The following DCC variants were observed in gnomAD, a reference collection of about 807,000 sequenced individuals.
DCC encodes the protein netrin receptor DCC.
A neutral mutation model predicts 172.5 loss-of-function variants in DCC; 58 were observed. The observed-to-expected ratio is 0.34, with a 90% CI of 0.27 to 0.42. The LOEUF is 0.42. DCC is among the 10% of genes least tolerant of loss of function. The pLI is 1.00. For synonymous variants in DCC, 709 were observed against 644.5 expected, an observed-to-expected ratio of 1.10 and a Z score of -1.52; for missense variants, 1,740 against 1,791.0, an observed-to-expected ratio of 0.97 and a Z score of 0.51.
chr18:52,822,826 G>A (rs1031720245), intron 2 of DCC, among the ~76,000 whole-genome samples: 2 of 152,116 alleles, frequency 1.3e-5, no homozygotes, highest in Admixed American at 6.5e-5. Flanking sequence ...TCCACAAGAA[G>A]GTTAATTATG....
chr18:53,324,209 T>C (rs996744122), intron 14 of DCC, among the ~76,000 whole-genome samples: 1 of 152,200 alleles, frequency 6.6e-6, no homozygotes, highest in Non-Finnish European at 1.5e-5. Context: ...AGAGATATTA[T>C]TTAACTTGTC....
intron 1 of DCC, among the ~76,000 whole-genome samples, chr18:52,720,154 C>T (rs543644036): frequency 6.6e-5 from 10 of 152,240 alleles, no homozygotes; most frequent in African/African-American, 2.4e-4. Context: ...CTACTGCAGC[C>T]AGTCAGCTGA....
rs188141097 is a variant in DCC at position 53,340,765 on chromosome 18, C to T, written c.2359+858C>T. Among the ~76,000 whole-genome samples the T allele has an allele frequency of 7.4e-4, 112 of 152,150 alleles. 2 individuals are homozygous for T. The highest frequency in any genetic ancestry group is 9.7e-4 in the Non-Finnish European group (66 of 68,008). The stretch of plus-strand genomic sequence containing the variant: ...TCATAAAGCAAAATGTAAGTTGATT[C>T]TACCTGTTGATTTAATACCGTATTA... On this transcript the variant is annotated intron_variant, in intron 15 of 28. Transcript: ENST00000442544.
chr18:52,526,725 T>C (rs545952521), intron 1 of DCC, among the ~76,000 whole-genome samples: 1 of 152,142 alleles, frequency 6.6e-6, no homozygotes, highest in East Asian at 1.9e-4. Flanking sequence ...GCTGAATAAC[T>C]ACAGAAGGAC....
At chr18:52,973,137 G>A (rs1205849642) in intron 5 of DCC, among the ~76,000 whole-genome samples, 2 of 152,144 alleles carry the variant, frequency 1.3e-5, no homozygotes, top group East Asian at 1.9e-4. Context: ...TTGAATAGAT[G>A]CATTAGGTAT....
At chr18:52,564,280 G>A in intron 1 of DCC, among the ~76,000 whole-genome samples, 1 of 152,060 alleles carries the variant, frequency 6.6e-6, no homozygotes, top group East Asian at 1.9e-4. Flanking sequence ...TTGCTTTATA[G>A]TCATTGTTCT....
chr18:53,288,203 A>T (rs1292833096), intron 12 of DCC, among the ~76,000 whole-genome samples: 1 of 152,278 alleles, frequency 6.6e-6, no homozygotes, highest in African/African-American at 2.4e-5. Flanking sequence ...ACTATTGACT[A>T]GTCTGACATA....
At chr18:52,567,228 C>T (rs1333104123) in intron 1 of DCC, among the ~76,000 whole-genome samples, 1 of 151,924 alleles carries the variant, frequency 6.6e-6, no homozygotes, top group African/African-American at 2.4e-5. Context: ...ATTTTAGAAA[C>T]CAATTTGATA....
Position 53,534,508 on chromosome 18 carries a change from A to G in DCC, c.*3855A>G, listed in dbSNP as rs1046294827. On this transcript the variant is annotated 3_prime_UTR_variant, in exon 29 of 29. Transcript: ENST00000442544. The stretch of plus-strand genomic sequence containing the variant: ...ACTCAAGTCTCTGTTTTTGTAAATC[A>G]CATTCAAAGCAACATTTTACTCATA... The G allele has an allele frequency of 2.6e-5, 4 of 152,206 alleles. No individual in the cohort carries two copies. The highest frequency in any genetic ancestry group is 5.9e-5 in the Non-Finnish European group (4 of 68,036). 9.4% of individuals were successfully genotyped at this position (152,206 alleles called of 1,614,324 possible).
intron 12 of DCC, among the ~76,000 whole-genome samples, chr18:53,299,945 G>C (rs905255022): frequency 6.6e-6 from 1 of 152,146 alleles, no homozygotes; most frequent in African/African-American, 2.4e-5. Context: ...ATAATGCAGA[G>C]TGCTTAGACC....
At chr18:53,460,735 AAAC>A (rs911860911) in intron 24 of DCC, among the ~76,000 whole-genome samples, 1 of 152,150 alleles carries the variant, frequency 6.6e-6, no homozygotes, top group African/African-American at 2.4e-5. Context: ...ATGCCTCAAT[AAAC>A]ATACGTGTGC....
At chr18:53,194,555 C>T (rs2055415915) in intron 9 of DCC, among the ~76,000 whole-genome samples, 2 of 151,762 alleles carry the variant, frequency 1.3e-5, no homozygotes, top group South Asian at 2.1e-4. Context: ...CTGCAACCTT[C>T]GCCTCCTGGG....
At chr18:53,133,973 G>A (rs1189017444) in intron 7 of DCC, among the ~76,000 whole-genome samples, 1 of 152,152 alleles carries the variant, frequency 6.6e-6, no homozygotes, top group African/African-American at 2.4e-5. Context: ...AATTTTATTG[G>A]AGAGCAAGAG....
chr18:52,774,109 C>T (rs2037387893), intron 2 of DCC, among the ~76,000 whole-genome samples: 1 of 152,200 alleles, frequency 6.6e-6, no homozygotes, highest in South Asian at 2.1e-4. Context: ...GGAGCCATGG[C>T]TGTCAGAAAG....
Position 52,416,445 on chromosome 18 carries a change from G to A in DCC, c.91+75567G>A, listed in dbSNP as rs555975070. On this transcript the variant is annotated intron_variant, in intron 1 of 28. Transcript: ENST00000442544. ...GGTGTTCTTGTTAACTTTCTGTCTCGTTGATCTGTCTAATGTTGACAGTGG... is the reference window on the plus strand; with the variant it reads ...GGTGTTCTTGTTAACTTTCTGTCTCATTGATCTGTCTAATGTTGACAGTGG... Among the ~76,000 whole-genome samples, 9 of 152,074 alleles carry A rather than the reference G, an allele frequency of 5.9e-5. No homozygotes were observed. The East Asian group carries it at 7.7e-4, about 13-fold the overall frequency.
chr18:52,384,603 C>A (rs1258175921), intron 1 of DCC, among the ~76,000 whole-genome samples: 9 of 152,060 alleles, frequency 5.9e-5, no homozygotes, highest in Admixed American at 5.9e-4. Flanking sequence ...GGGGTGAAGA[C>A]CCTGTGTAGC....
rs67103778 is a variant in DCC at position 53,190,458 on chromosome 18, CTGTGTGTGTGTGTGTGTGTGTG to C, written c.1573+11366_1573+11387del. 3.4e-5 allele frequency among the ~76,000 whole-genome samples: 5 copies of C among 146,262 alleles called. 1 individual carries two copies. The highest frequency in any genetic ancestry group is 6.0e-5 in the Non-Finnish European group (4 of 66,250). ...TAATATTCCTACTACACTGCTAACT[CTGTGTGTGTGTGTGTGTGTGTG>C]TGTGTGTGTGTGTGTGTGTGTGTAC... is the stretch of plus-strand genomic sequence containing the variant. On this transcript the variant is annotated intron_variant, in intron 9 of 28. Transcript: ENST00000442544.
At chr18:53,457,775 G>T (rs1041330789) in intron 23 of DCC, among the ~76,000 whole-genome samples, 1 of 152,144 alleles carries the variant, frequency 6.6e-6, no homozygotes, top group African/African-American at 2.4e-5. Flanking sequence ...TTAAAACATT[G>T]TGGGGCTGCC....
intron 21 of DCC, among the ~76,000 whole-genome samples, chr18:53,428,983 A>G (rs1174866943): frequency 1.3e-5 from 1 of 77,326 alleles, no homozygotes; most frequent in African/African-American, 5.2e-5. Flanking sequence ...ACATATATAT[A>G]TTTTATATAT....
Sources: gnomAD v4.1 joint callset for allele counts (sites outside exome capture counted in the v4.1 genomes callset) on GRCh38, gnomAD v4.1.1 for gene constraint, MANE v1.5 for transcripts, NCBI Gene and HGNC (gene_info 2026-07-23, HGNC 2026-07-21) for gene names.